Variants in VAC14 observed in about 807,000 individuals in gnomAD.
The protein encoded by VAC14 is VAC14 component of PIKFYVE complex.
VAC14 carries 47 observed loss-of-function variants against 85.3 expected under a neutral mutation model. The ratio of observed to expected loss-of-function variants is 0.55; its 90% CI spans 0.44 to 0.70. The LOEUF (loss-of-function observed/expected upper bound fraction) is 0.70. Ranked by LOEUF, VAC14 falls within the 30% of genes least tolerant of loss-of-function variation. The probability of loss-of-function intolerance (pLI) is 0.00; values close to 1 mark genes in which losing one functional copy is unlikely to be tolerated. For synonymous variants in VAC14, 447 were observed against 430.5 expected, an observed-to-expected ratio of 1.04 and a Z score of -0.47; for missense variants, 861 against 1,004.3, an observed-to-expected ratio of 0.86 and a Z score of 1.93.
At chr16:70,694,193 G>A (rs900431415) in intron 17 of VAC14, among the ~76,000 whole-genome samples, 2 of 152,220 alleles carry the variant, frequency 1.3e-5, no homozygotes, top group African/African-American at 4.8e-5. Flanking sequence ...AAGGTGCTTG[G>A]AGTTCCTCCA....
chr16:70,800,585 G>C (rs187033924), intron 1 of VAC14, among the ~76,000 whole-genome samples: 1 of 152,166 alleles, frequency 6.6e-6, no homozygotes, highest in South Asian at 2.1e-4. Context: ...TGTGGCACCG[G>C]GAGGTTAAAA....
At chr16:70,758,182 G>A (rs1485617856) in intron 12 of VAC14, among the ~76,000 whole-genome samples, 10 of 152,240 alleles carry the variant, frequency 6.6e-5, no homozygotes, top group South Asian at 6.2e-4. Context: ...CTGGGTGGGG[G>A]AGTTCACCAC....
At chr16:70,756,762 G>A (rs2031900594) in intron 12 of VAC14, among the ~76,000 whole-genome samples, 2 of 152,266 alleles carry the variant, frequency 1.3e-5, no homozygotes, top group South Asian at 4.2e-4. Context: ...TACCCATGGT[G>A]TACCTTACGA....
chr16:70,781,013 T>C, intron 8 of VAC14, 74 bp from the exon 9 acceptor site: 1 of 1,585,680 alleles, frequency 6.3e-7, no homozygotes, highest in Non-Finnish European at 8.6e-7. Flanking sequence ...GAAATGTGAT[T>C]CCCAGTGTTG....
intron 13 of VAC14, among the ~76,000 whole-genome samples, chr16:70,734,759 A>G (rs2054697960): frequency 6.6e-6 from 1 of 151,944 alleles, no homozygotes; most frequent in Non-Finnish European, 1.5e-5. Context: ...CTTCACACAT[A>G]GTATCTAACA....
chr16:70,754,307 C>T (rs2031648295), intron 12 of VAC14, among the ~76,000 whole-genome samples: 1 of 152,152 alleles, frequency 6.6e-6, no homozygotes, highest in Non-Finnish European at 1.5e-5. Flanking sequence ...GGACTGTTAC[C>T]TTGCCATTCC....
At chr16:70,708,500 C>T (rs1177480522) in intron 14 of VAC14, among the ~76,000 whole-genome samples, 1 of 152,114 alleles carries the variant, frequency 6.6e-6, no homozygotes, top group Non-Finnish European at 1.5e-5. Context: ...CTGGCTCTGG[C>T]GGAAGCATTT....
intron 12 of VAC14, among the ~76,000 whole-genome samples, chr16:70,753,553 A>C (rs760629210): frequency 4.6e-5 from 7 of 152,212 alleles, no homozygotes; most frequent in Non-Finnish European, 1.0e-4. Flanking sequence ...ACCAGGGCTG[A>C]GAGCTGGGGG....
At chr16:70,777,972 G>A (rs909745248) in intron 9 of VAC14, among the ~76,000 whole-genome samples, 15 of 152,262 alleles carry the variant, frequency 9.9e-5, no homozygotes, top group African/African-American at 3.4e-4. Flanking sequence ...GTAAAAGACT[G>A]GTGATTAGTT....
At chr16:70,761,755 G>T (rs928308650) in intron 12 of VAC14, among the ~76,000 whole-genome samples, 2 of 152,204 alleles carry the variant, frequency 1.3e-5, no homozygotes, top group Non-Finnish European at 2.9e-5. Context: ...GCTCTTGGTG[G>T]CCCCAAAAAG....
chr16:70,701,354 C>T (rs80270592), intron 14 of VAC14, among the ~76,000 whole-genome samples: 4,570 of 152,248 alleles, frequency 0.03, 97 homozygotes, highest in Non-Finnish European at 0.048. Context: ...ACAACCAGCC[C>T]TTGGTGTCCC....
rs12929945 is a variant in VAC14 at position 70,781,305 on chromosome 16, C to T, written c.947-366G>A. Among the ~76,000 whole-genome samples the T allele has an allele frequency of 0.53, 80,009 of 152,012 alleles. 22,246 individuals are homozygous for T. The highest frequency in any genetic ancestry group is 0.68 in the Admixed American group (10,375 of 15,282). ...ATGCCTCCTGTAGAGTCTGCAGAAC[C>T]GGGAGCTGAAGCAACCTCTTTTCTT... On this transcript the variant is annotated intron_variant, in intron 8 of 18. Coordinates refer to ENST00000261776, the MANE Select transcript of VAC14 (RefSeq NM_018052.5).
intron 12 of VAC14, among the ~76,000 whole-genome samples, chr16:70,750,385 AG>A (rs2031283071): frequency 6.6e-6 from 1 of 151,874 alleles, no homozygotes; most frequent in Non-Finnish European, 1.5e-5. Flanking sequence ...AGAGGGAGGG[AG>A]GAAGGACAAG....
intron 14 of VAC14, chr16:70,714,572 T>C (rs1358828404): frequency 1.3e-5 from 2 of 152,312 alleles, no homozygotes; most frequent in South Asian, 2.1e-4. Context: ...AAGCTGACTC[T>C]TCTCAGGAAA....
At chr16:70,694,743 G>A (rs1474332080) in intron 17 of VAC14, among the ~76,000 whole-genome samples, 1 of 152,356 alleles carries the variant, frequency 6.6e-6, no homozygotes, top group East Asian at 1.9e-4. Context: ...AGCTGTGCTC[G>A]CCCCAGCCAG....
chr16:70,692,678 G>C (rs1226547273), intron 18 of VAC14, 143 bp downstream of exon 18: 1 of 1,127,408 alleles, frequency 8.9e-7, no homozygotes, highest in African/African-American at 1.6e-5. Flanking sequence ...CTGCGGGGGG[G>C]ATGGTGGTCA....
At chr16:70,703,396 C>T (rs2053865588) in intron 14 of VAC14, among the ~76,000 whole-genome samples, 1 of 150,740 alleles carries the variant, frequency 6.6e-6, no homozygotes, top group South Asian at 2.1e-4. Flanking sequence ...TGGAGACCCA[C>T]CATGGGGCTG....
chr16:70,767,161 TAC>T lies in VAC14; in HGVS notation c.1161-4138_1161-4137del, dbSNP rs1256041042. ...ATGAATGTCTTACACATACGCGTAC[TAC>T]AGTTTCCAAATGCATGGCGCTGCTG... On this transcript the variant is annotated intron_variant, in intron 10 of 18. Coordinates refer to ENST00000261776, the MANE Select transcript of VAC14 (RefSeq NM_018052.5). 3.9e-5 allele frequency among the ~76,000 whole-genome samples: 6 copies of T among 152,350 alleles called. No homozygotes were observed. In the East Asian group the frequency reaches 7.7e-4, roughly 20 times the overall value.
At chr16:70,792,889 G>A (rs1342620864) in intron 1 of VAC14, among the ~76,000 whole-genome samples, 2 of 152,128 alleles carry the variant, frequency 1.3e-5, no homozygotes, top group East Asian at 1.9e-4. Context: ...TATTCCCGAC[G>A]ATACCTCCTG....
Sources: allele counts gnomAD v4.1 joint callset (sites outside exome capture counted in the v4.1 genomes callset), GRCh38; gene constraint gnomAD v4.1.1; transcripts MANE v1.5; gene names NCBI Gene and HGNC (gene_info 2026-07-23, HGNC 2026-07-21).